The following WNT9B variants were observed in gnomAD, a reference collection of about 807,000 sequenced individuals.
WNT9B encodes the protein Wnt family member 9B.
In WNT9B, 12 loss-of-function variants were observed where a neutral mutation model predicts 30.2. The observed-to-expected ratio is 0.40, with a 90% confidence interval of 0.26 to 0.64. The LOEUF is 0.64. WNT9B is among the 30% of genes least tolerant of loss of function. WNT9B has a pLI of 0.42. For missense variants in WNT9B, 442 were observed against 485.2 expected (o/e 0.91, Z 0.84); for synonymous variants, 218 against 216.9 (o/e 1.01, Z -0.05).
chr17:46,862,835 C>A (rs1289319996), intron 1 of WNT9B, among the ~76,000 whole-genome samples: 1 of 152,228 alleles, frequency 6.6e-6, no homozygotes, highest in Non-Finnish European at 1.5e-5. Flanking sequence ...CCGCCCGCCT[C>A]GGCCTCCCAG....
downstream of WNT9B, among the ~76,000 whole-genome samples, chr17:46,882,626 C>T (rs1047433223): frequency 3.3e-5 from 5 of 152,080 alleles, no homozygotes; most frequent in African/African-American, 9.7e-5. Context: ...GAGGCACTGG[C>T]GGGAAGCATC....
chr17:46,846,677 G>C (rs1031755225), upstream of WNT9B, among the ~76,000 whole-genome samples: 1 of 152,242 alleles, frequency 6.6e-6, no homozygotes, highest in Non-Finnish European at 1.5e-5. Context: ...TGAACTCAAA[G>C]ATGCTGCTGG....
downstream of WNT9B, among the ~76,000 whole-genome samples, chr17:46,883,021 C>T (rs1482345092): frequency 1.3e-5 from 2 of 152,092 alleles, no homozygotes; most frequent in African/African-American, 4.8e-5. Flanking sequence ...CTCTGTCTCC[C>T]AGGCTGGAGT....
At chr17:46,834,082 CT>C (rs2084592084) in intron 1 of WNT9B, among the ~76,000 whole-genome samples, 1 of 152,120 alleles carries the variant, frequency 6.6e-6, no homozygotes, top group Non-Finnish European at 1.5e-5. Flanking sequence ...GCAGTCTCAG[CT>C]ACTCGGGAGG....
chr17:46,840,084 C>CTTCT (rs1021634166), intron 1 of WNT9B, among the ~76,000 whole-genome samples: 1 of 119,412 alleles, frequency 8.4e-6, no homozygotes, highest in Non-Finnish European at 1.8e-5. Context: ...TCCTTCATTC[C>CTTCT]TTCTTTCTTT....
chr17:46,873,223 A>G (rs1299204835), intron 2 of WNT9B, among the ~76,000 whole-genome samples: 1 of 151,568 alleles, frequency 6.6e-6, no homozygotes, highest in Non-Finnish European at 1.5e-5. Flanking sequence ...TCACTCCTTT[A>G]TCTGTCCCTT....
intron 1 of WNT9B, among the ~76,000 whole-genome samples, chr17:46,834,654 G>A (rs999295373): frequency 6.6e-6 from 1 of 152,118 alleles, no homozygotes; most frequent in African/African-American, 2.4e-5. Flanking sequence ...CTTCTCGCCT[G>A]CCTCCTCCCC....
intron 1 of WNT9B, among the ~76,000 whole-genome samples, chr17:46,834,397 G>A (rs1340380000): frequency 2.6e-5 from 4 of 152,224 alleles, no homozygotes; most frequent in African/African-American, 4.8e-5. Context: ...TGGGGAGGGC[G>A]CGCATTAGGA....
At chr17:46,845,485 A>ATTTT (rs34586359) in intron 1 of WNT9B, among the ~76,000 whole-genome samples, 14 of 121,378 alleles carry the variant, frequency 1.2e-4, no homozygotes, top group East Asian at 1.1e-3. Context: ...AGTTATCTGA[A>ATTTT]TTTTTTTTTT....
chr17:46,833,356 G>C, exon 1 of WNT9B: 1 of 518,386 alleles, frequency 1.9e-6, no homozygotes, highest in Non-Finnish European at 3.9e-6. Flanking sequence ...ATGAAAGGAC[G>C]GGCAGTTTCT....
chr17:46,834,495 G>T (rs116219332), intron 1 of WNT9B, among the ~76,000 whole-genome samples: 1 of 152,154 alleles, frequency 6.6e-6, no homozygotes, highest in Non-Finnish European at 1.5e-5. Flanking sequence ...TTTACAACAG[G>T]GGGTACGGAG....
At chr17:46,884,622 C>T (rs185349423), downstream of WNT9B, among the ~76,000 whole-genome samples, 18 of 152,318 alleles carry the variant, frequency 1.2e-4, no homozygotes, top group African/African-American at 4.1e-4. Flanking sequence ...CATACAGGTA[C>T]CAAGTGCTCT....
intron 1 of WNT9B, among the ~76,000 whole-genome samples, chr17:46,844,325 T>G (rs2084749245): frequency 7.4e-6 from 1 of 135,138 alleles, no homozygotes; most frequent in Non-Finnish European, 1.6e-5. Flanking sequence ...TTTTTTTTTT[T>G]GATAAGTTAA....
chr17:46,834,398 C>T (rs1397603268), intron 1 of WNT9B, among the ~76,000 whole-genome samples: 1 of 151,970 alleles, frequency 6.6e-6, no homozygotes, highest in Non-Finnish European at 1.5e-5. Flanking sequence ...GGGGAGGGCG[C>T]GCATTAGGAG....
intron 1 of WNT9B, among the ~76,000 whole-genome samples, chr17:46,864,428 A>G (rs1038565165): frequency 3.3e-5 from 5 of 152,164 alleles, no homozygotes; most frequent in African/African-American, 1.2e-4. Context: ...CTGGTATTGT[A>G]TCAGACTCTC....
rs376925107 is a variant in WNT9B, at chr17:46,876,339, G to A, written c.695G>A (p.Arg232His). 1.6e-5 allele frequency: 26 copies of A among 1,614,034 alleles called. No individual in the cohort carries two copies. The highest frequency in any genetic ancestry group is 2.2e-5 in the East Asian group (1 of 44,888). The part of the protein sequence containing the change: ...RTCWKQLSPF[R>H]ETGQVLKLRY... ...TGCTGGAAGCAGCTCTCCCCGTTCCGTGAGACGGGCCAGGTGCTGAAACTG... is the reference window on the plus strand; with the variant it reads ...TGCTGGAAGCAGCTCTCCCCGTTCCATGAGACGGGCCAGGTGCTGAAACTG... The change falls in exon 4 of 4, where the codon CGT (arginine) becomes CAT (histidine). Residue 232 changes from arginine to histidine, a missense_variant. By Grantham distance (29) the Arg-to-His change is conservative. Transcript: ENST00000290015.
upstream of WNT9B, among the ~76,000 whole-genome samples, chr17:46,851,044 G>A (rs2146539415): frequency 6.6e-6 from 1 of 152,342 alleles, no homozygotes; most frequent in South Asian, 2.1e-4. The surrounding 1 kb of genome is among the most constrained non-coding windows in gnomAD (Gnocchi z 4.3). Context: ...CTGAGCCATT[G>A]GACATGCATT....
intron 1 of WNT9B, among the ~76,000 whole-genome samples, chr17:46,840,288 G>A (rs573841402): frequency 5.6e-4 from 85 of 152,084 alleles, no homozygotes; most frequent in Admixed American, 1.5e-3. Flanking sequence ...GGGTTTCACC[G>A]TGTTAGCCAG....
chr17:46,864,886 T>G (rs891052961), intron 1 of WNT9B, among the ~76,000 whole-genome samples: 2 of 152,154 alleles, frequency 1.3e-5, no homozygotes, highest in African/African-American at 2.4e-5. Context: ...CCAGGACACC[T>G]TCCAGGAGCC....
Sources: allele counts gnomAD v4.1 joint callset (sites outside exome capture counted in the v4.1 genomes callset), GRCh38; gene constraint gnomAD v4.1.1; non-coding constraint Gnocchi (gnomAD v3.1); transcripts MANE v1.5; gene names NCBI Gene and HGNC (gene_info 2026-07-23, HGNC 2026-07-21).